The following CLDN14 variants were observed in gnomAD, a reference collection of about 807,000 sequenced individuals.
CLDN14 encodes claudin 14.
Under a neutral mutation model 2.1 loss-of-function variants are expected in CLDN14, and 2 were observed. That is an observed-to-expected ratio of 0.96 (90% CI 0.39 to 3.01). CLDN14 has a LOEUF of 3.01. Ranked by LOEUF, CLDN14 falls within the 30% of genes most tolerant of loss-of-function variation. The pLI, the probability that CLDN14 is intolerant of heterozygous loss-of-function variation, is 0.09. For synonymous variants in CLDN14, 136 were observed against 154.4 expected (o/e 0.88, Z 0.88); for missense variants, 298 against 328.0 (o/e 0.91, Z 0.71).
intron 1 of CLDN14, among the ~76,000 whole-genome samples, chr21:36,543,178 A>C (rs2087504172): frequency 6.6e-6 from 1 of 152,178 alleles, no homozygotes; most frequent in Non-Finnish European, 1.5e-5. Context: ...AGGGACCCCC[A>C]GTTTCCAAAG....
chr21:36,484,872 C>T (rs1241884354), upstream of CLDN14, among the ~76,000 whole-genome samples: 1 of 151,866 alleles, frequency 6.6e-6, no homozygotes, highest in African/African-American at 2.4e-5. Flanking sequence ...ACCGCCATGC[C>T]TGGCTAATTT....
intron 1 of CLDN14, among the ~76,000 whole-genome samples, chr21:36,530,399 C>G (rs2146500810): frequency 6.6e-6 from 1 of 152,386 alleles, no homozygotes; most frequent in Non-Finnish European, 1.5e-5. Context: ...TCTAGCCTCA[C>G]CTTCATGCAG....
chr21:36,574,475 T>A (rs1207085441), intron 1 of CLDN14, among the ~76,000 whole-genome samples: 1 of 152,194 alleles, frequency 6.6e-6, no homozygotes, highest in East Asian at 1.9e-4. Context: ...CATAGTTTGA[T>A]CAATTCATAG....
chr21:36,537,796 C>G (rs1013587481), intron 1 of CLDN14, among the ~76,000 whole-genome samples: 5 of 151,984 alleles, frequency 3.3e-5, no homozygotes, highest in Admixed American at 2.6e-4. Flanking sequence ...GTTACAGGTG[C>G]GTGCCTCCAC....
intron 1 of CLDN14, among the ~76,000 whole-genome samples, chr21:36,555,271 CT>C (rs1266309596): frequency 6.9e-6 from 1 of 144,236 alleles, no homozygotes; most frequent in Non-Finnish European, 1.5e-5. Flanking sequence ...CTAAAACCGC[CT>C]TGGTTTTGCC....
chr21:36,529,447 C>T (rs73374412), intron 1 of CLDN14, among the ~76,000 whole-genome samples: 1,566 of 152,220 alleles, frequency 0.01, 31 homozygotes, highest in African/African-American at 0.036. Flanking sequence ...CACCACTACG[C>T]ACAGCTAATT....
chr21:36,520,956 T>G (rs1489691054), intron 1 of CLDN14, among the ~76,000 whole-genome samples: 3 of 151,976 alleles, frequency 2.0e-5, no homozygotes. Context: ...TAGTCCAAGG[T>G]AACGTGCTGC....
intron 1 of CLDN14, among the ~76,000 whole-genome samples, chr21:36,468,427 A>G (rs887669186): frequency 2.6e-5 from 4 of 152,052 alleles, no homozygotes; most frequent in African/African-American, 9.7e-5. Context: ...AAATACAAAA[A>G]TTAGCCGGGT....
intron 1 of CLDN14, among the ~76,000 whole-genome samples, chr21:36,462,945 A>G (rs2086598075): frequency 6.6e-6 from 1 of 150,648 alleles, no homozygotes; most frequent in Non-Finnish European, 1.5e-5. Flanking sequence ...AAACAAACAA[A>G]AAAAAACACT....
intron 2 of CLDN14, among the ~76,000 whole-genome samples, chr21:36,493,775 G>C (rs1363279287): frequency 1.3e-5 from 2 of 152,052 alleles, no homozygotes; most frequent in African/African-American, 2.4e-5. Context: ...AGTGTGGGTG[G>C]GTACTGAAGG....
At chr21:36,514,586 A>C (rs138484640) in intron 1 of CLDN14, among the ~76,000 whole-genome samples, 8 of 151,638 alleles carry the variant, frequency 5.3e-5, no homozygotes, top group African/African-American at 1.9e-4. Context: ...GTGCACCCGA[A>C]GAGAGAAGGG....
chr21:36,534,433 T>A (rs1300931526), intron 1 of CLDN14, among the ~76,000 whole-genome samples: 1 of 152,120 alleles, frequency 6.6e-6, no homozygotes, highest in Non-Finnish European at 1.5e-5. Flanking sequence ...ACTTCAAAGC[T>A]CTTTGACAAG....
chr21:36,513,452 GAGC>G (rs1220754449), intron 1 of CLDN14, among the ~76,000 whole-genome samples: 1 of 152,186 alleles, frequency 6.6e-6, no homozygotes, highest in East Asian at 1.9e-4. Flanking sequence ...ACCTACCCTG[GAGC>G]TGTCCTAGCT....
chr21:36,508,402 A>G (rs1467435991), intron 2 of CLDN14, among the ~76,000 whole-genome samples: 2 of 152,206 alleles, frequency 1.3e-5, no homozygotes, highest in African/African-American at 2.4e-5. Context: ...ATCCTTCACA[A>G]TCCTATCGGG....
At chr21:36,500,245 C>T (rs947676882) in intron 2 of CLDN14, among the ~76,000 whole-genome samples, 15 of 152,104 alleles carry the variant, frequency 9.9e-5, no homozygotes, top group South Asian at 2.1e-4. Flanking sequence ...TCCCTGTACC[C>T]GCCCTCTCAG....
In CLDN14 at chr21:36,551,266, T is replaced by C. The variant is rs527446496; in HGVS notation, c.-220+25145A>G. ...ACCACGATGGCTTGGCCCCCTCCCCTTGGCCTCTGCGCTGGGAGGGAGGAC... is the reference window on the plus strand; with the variant it reads ...ACCACGATGGCTTGGCCCCCTCCCCCTGGCCTCTGCGCTGGGAGGGAGGAC... On this transcript the variant is annotated intron_variant, in intron 1 of 2. Coordinates refer to the CLDN14 transcript ENST00000342108. The surrounding 1 kb of genome is among the most constrained non-coding windows in gnomAD (Gnocchi z 4.8). 1.0e-3 allele frequency among the ~76,000 whole-genome samples: 154 copies of C among 152,346 alleles called. No homozygotes were observed. The highest frequency in any genetic ancestry group is 3.4e-3 in the African/African-American group (142 of 41,576).
upstream of CLDN14, among the ~76,000 whole-genome samples, chr21:36,482,778 A>T (rs975043245): frequency 6.6e-6 from 1 of 152,122 alleles, no homozygotes; most frequent in Non-Finnish European, 1.5e-5. Context: ...TATCCTGTGA[A>T]AGTCACGACG....
chr21:36,506,195 T>C (rs1375713482), intron 2 of CLDN14, among the ~76,000 whole-genome samples: 1 of 152,220 alleles, frequency 6.6e-6, no homozygotes, highest in Non-Finnish European at 1.5e-5. Flanking sequence ...CATTAAAAGA[T>C]TAAATGCTTC....
chr21:36,535,630 AAGG>A (rs1328944886), intron 1 of CLDN14, among the ~76,000 whole-genome samples: 1 of 152,192 alleles, frequency 6.6e-6, no homozygotes, highest in East Asian at 1.9e-4. Context: ...TTATTCTAGA[AAGG>A]AGATGAACAG....
Sources: allele counts gnomAD v4.1 joint callset (sites outside exome capture counted in the v4.1 genomes callset), GRCh38; gene constraint gnomAD v4.1.1; non-coding constraint Gnocchi (gnomAD v3.1); transcripts MANE v1.5; gene names NCBI Gene and HGNC (gene_info 2026-07-23, HGNC 2026-07-21).